Variants in CD33 observed in about 807,000 individuals in gnomAD.
CD33 encodes the protein myeloid cell surface antigen CD33.
In CD33, 25 loss-of-function variants were observed where a neutral mutation model predicts 31.4. The observed-to-expected ratio is 0.80, with a 90% confidence interval of 0.58 to 1.11. The LOEUF is 1.11. CD33 is among the 50% of genes most tolerant of loss of function. The pLI, the probability that CD33 is intolerant of heterozygous loss-of-function variation, is 0.00. For missense variants in CD33, 407 were observed against 448.1 expected (o/e 0.91, Z 0.83); for synonymous variants, 176 against 180.6 (o/e 0.97, Z 0.20).
At chr19:51,229,069 T>C (rs1191651852) in intron 4 of CD33, among the ~76,000 whole-genome samples, 3 of 152,228 alleles carry the variant, frequency 2.0e-5, no homozygotes, top group African/African-American at 4.8e-5. Context: ...TTTCCTTCTA[T>C]ACCTAATTTA....
the CD33 span, among the ~76,000 whole-genome samples, chr19:51,215,170 G>A: frequency 6.6e-6 from 1 of 152,128 alleles, no homozygotes; most frequent in African/African-American, 2.4e-5. Flanking sequence ...GAGACATGAT[G>A]CTGAATCCCA....
chr19:51,216,666 C>T, the CD33 span, among the ~76,000 whole-genome samples: 2 of 110,730 alleles, frequency 1.8e-5, no homozygotes, highest in African/African-American at 6.8e-5. Context: ...GACTCTGTCT[C>T]AGAAAAAAAA....
chr19:51,225,728 C>G lies in CD33; in HGVS notation c.419-75C>G, dbSNP rs530630751. On this transcript the variant is annotated intron_variant, in intron 2 of 6. Transcript: ENST00000262262. ...GTCGTGCTTAGCGGGGGAGCTTGAC[C>G]AGAGGTTGATCTTCTCTCAGGCCCT... is the stretch of plus-strand genomic sequence containing the variant. 3.2e-6 allele frequency: 5 copies of G among 1,549,542 alleles called. No homozygotes were observed. In the South Asian group the frequency reaches 6.1e-5, roughly 19 times the overall value.
At chr19:51,235,851 G>T (rs1421353611) in intron 6 of CD33, 175 bp downstream of exon 6, 1 of 718,866 alleles carries the variant, frequency 1.4e-6, no homozygotes, top group East Asian at 2.7e-5. Flanking sequence ...ATCAGGAGAT[G>T]ATGGCCATTG....
the CD33 span, among the ~76,000 whole-genome samples, chr19:51,215,840 G>A: frequency 6.6e-6 from 1 of 151,974 alleles, no homozygotes; most frequent in Non-Finnish European, 1.5e-5. Context: ...GTCATGCCTG[G>A]GCCCTCACCT....
chr19:51,222,155 T>G (rs1052152244), upstream of CD33, among the ~76,000 whole-genome samples: 2 of 152,222 alleles, frequency 1.3e-5, no homozygotes, highest in African/African-American at 4.8e-5. Context: ...AATTCAACTG[T>G]ATCTAACTTT....
upstream of CD33, among the ~76,000 whole-genome samples, chr19:51,224,248 T>C (rs114821195): frequency 2.0e-5 from 3 of 152,326 alleles, no homozygotes; most frequent in Admixed American, 6.5e-5. Flanking sequence ...CCCATACATC[T>C]TTCTGCAGCT....
the CD33 span, among the ~76,000 whole-genome samples, chr19:51,214,200 TC>T: frequency 7.0e-6 from 1 of 142,754 alleles, no homozygotes; most frequent in African/African-American, 2.8e-5. Flanking sequence ...TTCTTTTCTT[TC>T]TTTTTTTTTT....
upstream of CD33, among the ~76,000 whole-genome samples, chr19:51,224,336 C>T (rs937555962): frequency 2.6e-5 from 4 of 152,124 alleles, no homozygotes; most frequent in African/African-American, 7.2e-5. Context: ...CTTATTAAGG[C>T]CCACTGTTTT....
At chr19:51,216,989 C>T in the CD33 span, among the ~76,000 whole-genome samples, 1 of 152,108 alleles carries the variant, frequency 6.6e-6, no homozygotes, top group African/African-American at 2.4e-5. Context: ...CCCAGTAACC[C>T]ATGTCTAAGA....
At chr19:51,212,390 C>A in the CD33 span, among the ~76,000 whole-genome samples, 1 of 152,060 alleles carries the variant, frequency 6.6e-6, no homozygotes, top group Non-Finnish European at 1.5e-5. Flanking sequence ...GAAGAGGAGA[C>A]CTTCAGCTCA....
chr19:51,218,603 G>A, the CD33 span, among the ~76,000 whole-genome samples: 16 of 151,986 alleles, frequency 1.1e-4, no homozygotes, highest in Non-Finnish European at 1.2e-4. Context: ...CTTTGCCTAC[G>A]CCAATGTCCA....
the CD33 span, among the ~76,000 whole-genome samples, chr19:51,218,679 C>T: frequency 1.3e-5 from 2 of 151,226 alleles, no homozygotes; most frequent in African/African-American, 4.9e-5. Flanking sequence ...AAGTTTTTAA[C>T]CCATCTTGAG....
chr19:51,224,571 C>T (rs559864485), upstream of CD33, among the ~76,000 whole-genome samples: 1 of 152,272 alleles, frequency 6.6e-6, no homozygotes, highest in South Asian at 2.1e-4. Context: ...CTCTGTCACT[C>T]ACTATATCTT....
At chr19:51,226,459 G>A in intron 4 of CD33, 103 bp downstream of exon 4, 2 of 999,108 alleles carry the variant, frequency 2.0e-6, no homozygotes, top group Non-Finnish European at 3.2e-6. Flanking sequence ...GGCAAGGCCT[G>A]CAGTTAGACA....
chr19:51,211,967 G>C, the CD33 span: 8 of 1,235,602 alleles, frequency 6.5e-6, no homozygotes, highest in African/African-American at 7.4e-5. Context: ...CAGTGCTCAC[G>C]ATCATCCCAT....
upstream of CD33, among the ~76,000 whole-genome samples, chr19:51,220,930 CTGAATATAGGTATCTGA>C (rs937525144): frequency 6.6e-6 from 1 of 152,056 alleles, no homozygotes; most frequent in African/African-American, 2.4e-5. Flanking sequence ...GTGATAACAC[CTGAATATAGGTATCTGA>C]TGAATGACTT....
At chr19:51,233,440 T>C (rs1981564984) in intron 4 of CD33, among the ~76,000 whole-genome samples, 1 of 152,132 alleles carries the variant, frequency 6.6e-6, no homozygotes, top group African/African-American at 2.4e-5. Context: ...GCAGCTCTAA[T>C]TGTGGTATTC....
chr19:51,239,797 G>A lies in CD33; in HGVS notation c.*109G>A, dbSNP rs200669561. ...ACACCCCACAGGCAATGGGTTTATA[G>A]ACATTATGTGAGTTTCCTGCTATAT... On this transcript the variant is annotated 3_prime_UTR_variant, in exon 7 of 7. Transcript: ENST00000262262. 3.9e-6 allele frequency: 3 copies of A among 761,248 alleles called. No homozygotes were observed. In the East Asian group the frequency reaches 8.7e-5, roughly 22 times the overall value. 47.2% of individuals were successfully genotyped at this position (761,248 alleles called of 1,614,324 possible). A position where few individuals can be genotyped will look rare whatever the true frequency, so the allele number is the denominator to read the frequency against.
Sources: gnomAD v4.1 joint callset for allele counts (sites outside exome capture counted in the v4.1 genomes callset) on GRCh38, gnomAD v4.1.1 for gene constraint, MANE v1.5 for transcripts, NCBI Gene and HGNC (gene_info 2026-07-23, HGNC 2026-07-21) for gene names.